Variants in DNAH14 observed in about 807,000 individuals in gnomAD.
The protein encoded by DNAH14 is dynein axonemal heavy chain 14.
DNAH14 carries 478 observed loss-of-function variants against 520.9 expected under a neutral mutation model. That is an observed-to-expected ratio of 0.92 (90% CI 0.85 to 0.99). The LOEUF (loss-of-function observed/expected upper bound fraction) is 0.99. Ranked by LOEUF, DNAH14 falls within the 50% of genes least tolerant of loss-of-function variation. The pLI is 0.00. For synonymous variants in DNAH14, 1,581 were observed against 1,757.2 expected (o/e 0.90, Z 2.51); for missense variants, 4,831 against 5,234.5 (o/e 0.92, Z 2.38).
intron 20 of DNAH14, among the ~76,000 whole-genome samples, chr1:225,084,969 G>C (rs543873314): frequency 6.6e-6 from 1 of 151,934 alleles, no homozygotes; most frequent in Non-Finnish European, 1.5e-5. Flanking sequence ...CAAAGCTGTT[G>C]CTTAAGGCCA....
intron 31 of DNAH14, among the ~76,000 whole-genome samples, chr1:225,148,511 C>G (rs1212008619): frequency 6.7e-6 from 1 of 148,824 alleles, no homozygotes; most frequent in Non-Finnish European, 1.5e-5. Context: ...AAGCAATTCT[C>G]CTGCCTCAGC....
intron 36 of DNAH14, among the ~76,000 whole-genome samples, chr1:225,168,604 G>A (rs1262744543): frequency 6.6e-6 from 1 of 152,214 alleles, no homozygotes; most frequent in Non-Finnish European, 1.5e-5. Flanking sequence ...GGCTGGAGGA[G>A]GGGCGCCTGC....
intron 43 of DNAH14, among the ~76,000 whole-genome samples, chr1:225,243,224 G>T (rs1011881725): frequency 5.3e-5 from 8 of 152,046 alleles, no homozygotes; most frequent in African/African-American, 1.9e-4. Flanking sequence ...CATTATATTT[G>T]AATGCTTATC....
intron 10 of DNAH14, among the ~76,000 whole-genome samples, chr1:225,007,927 C>T (rs199864109): frequency 1.4e-5 from 2 of 144,320 alleles, no homozygotes; most frequent in Non-Finnish European, 3.0e-5. Context: ...TTTCTTTTTT[C>T]TTTTTTTTTT....
chr1:225,207,005 C>T lies in DNAH14; in HGVS notation c.6224C>T (p.Ser2075Leu). 6.5e-7 allele frequency: 1 copy of T among 1,540,786 alleles called. No individual in the cohort carries two copies. The highest frequency in any genetic ancestry group is 8.8e-7 in the Non-Finnish European group (1 of 1,142,340). The change falls in exon 41 of 86, where the codon TCA becomes TTA. Residue 2075 changes from serine (S) to leucine (L), a missense_variant. Physicochemically the swap from Ser to Leu is moderately radical, Grantham distance 145. Transcript: ENST00000682510. ...VDLGWEPYVKSWLLKTSKIIS... is the reference protein window; with the variant it reads ...VDLGWEPYVKLWLLKTSKIIS... ...CTGGGATGGGAACCTTATGTTAAGT[C>T]ATGGCTTCTGAAAACTTCTAAAATT...
chr1:225,338,144 GGTTGGTGATGCTGA>G lies in DNAH14; in HGVS notation c.10399_10412del (p.Gly3467ArgfsTer7). On this transcript the variant is annotated frameshift_variant, in exon 68 of 86. Coordinates refer to ENST00000682510, the MANE Select transcript of DNAH14 (RefSeq NM_001367479.1). LOFTEE classifies it high-confidence loss of function. ...AGAAAAAAGGACACTATTTCATAAG[GGTTGGTGATGCTGA>G]GTTCGAATACAATTCAAATTTTAGG... 1 of 1,551,706 alleles carries G rather than the reference GGTTGGTGATGCTGA, an allele frequency of 6.4e-7. No homozygotes were observed. The highest frequency in any genetic ancestry group is 8.7e-7 in the Non-Finnish European group (1 of 1,146,926).
chr1:225,100,782 A>G lies in DNAH14; in HGVS notation c.3765A>G (p.Ile1255Met). 3.2e-6 allele frequency: 5 copies of G among 1,540,350 alleles called. No individual in the cohort carries two copies. Among genetic ancestry groups the G allele is most frequent in the Non-Finnish European group, 4.4e-6 (5 of 1,143,876 alleles). The change falls in exon 23 of 86, where the codon ATA becomes ATG. Residue 1255 changes from isoleucine to methionine, a missense_variant. By Grantham distance (10) the Ile-to-Met change is conservative. Coordinates refer to ENST00000682510, the MANE Select transcript of DNAH14 (RefSeq NM_001367479.1). ...TGTGGAAAAAAATAATGTCAAAAAT[A>G]CAAAACAAACAGAATGCTTTGCAGA... ...ISMWKKIMSKIQNKQNALQIT... is the reference protein window; with the variant it reads ...ISMWKKIMSKMQNKQNALQIT...
At chr1:225,087,238 A>G (rs548983863) in intron 21 of DNAH14, among the ~76,000 whole-genome samples, 7 of 152,218 alleles carry the variant, frequency 4.6e-5, no homozygotes, top group Non-Finnish European at 1.0e-4. Context: ...TTATTATCCT[A>G]TGGTGGAGGC....
chr1:225,291,403 G>C (rs545227152), intron 55 of DNAH14, among the ~76,000 whole-genome samples: 1 of 151,990 alleles, frequency 6.6e-6, no homozygotes, highest in Admixed American at 6.6e-5. Flanking sequence ...TGGATCTTAT[G>C]ATCATTTTAT....
chr1:225,194,751 A>T (rs529604845), intron 38 of DNAH14, among the ~76,000 whole-genome samples: 7 of 152,176 alleles, frequency 4.6e-5, no homozygotes, highest in African/African-American at 1.7e-4. Flanking sequence ...TGGAGAAAAT[A>T]TTTGCAAACT....
intron 2 of DNAH14, chr1:224,954,714 G>A (rs2125515205): frequency 3.5e-6 from 1 of 281,774 alleles, no homozygotes; most frequent in African/African-American, 2.2e-5. Context: ...GACTCTCCAT[G>A]TAAATGTTGC....
At chr1:225,202,302 A>T (rs1432238899) in intron 38 of DNAH14, among the ~76,000 whole-genome samples, 1 of 152,100 alleles carries the variant, frequency 6.6e-6, no homozygotes, top group Admixed American at 6.5e-5. Context: ...GTAGGGAAGG[A>T]CCATTAGGTG....
intron 74 of DNAH14, among the ~76,000 whole-genome samples, chr1:225,359,200 C>G (rs2095466090): frequency 6.6e-6 from 1 of 152,150 alleles, no homozygotes; most frequent in Admixed American, 6.6e-5. Context: ...GAATAAATCT[C>G]TCTAAAGATA....
chr1:225,218,891 T>C (rs541543314), intron 41 of DNAH14, among the ~76,000 whole-genome samples: 1 of 152,278 alleles, frequency 6.6e-6, no homozygotes, highest in South Asian at 2.1e-4. Flanking sequence ...TTTTCTAAAA[T>C]TGACCACATA....
rs1264042636 is a variant in DNAH14 at position 225,140,904 on chromosome 1, A to G, written c.4391A>G (p.Asn1464Ser). ...VADLVVLDTSNSRTKAILGAL... is the reference protein window; with the variant it reads ...VADLVVLDTSSSRTKAILGAL... ...GACCTGGTAGTGCTGGATACTAGTA[A>G]CTCTCGAACAAAAGCTATACTAGGG... is the stretch of plus-strand genomic sequence containing the variant. Residue 1464 changes from asparagine to serine, a missense_variant, in exon 28 of 86, where the codon AAC becomes AGC. Asn to Ser is a conservative substitution (Grantham distance 46). Coordinates refer to ENST00000682510, the MANE Select transcript of DNAH14 (RefSeq NM_001367479.1). The G allele has an allele frequency of 6.4e-7, 1 of 1,551,170 alleles. No individual in the cohort carries two copies. The highest frequency in any genetic ancestry group is 8.7e-7 in the Non-Finnish European group (1 of 1,146,912).
At chr1:224,980,991 A>T (rs186782706) in intron 8 of DNAH14, among the ~76,000 whole-genome samples, 1 of 152,374 alleles carries the variant, frequency 6.6e-6, no homozygotes, top group African/African-American at 2.4e-5. Flanking sequence ...AAGTATAATT[A>T]AAAAATAAAA....
At chr1:224,941,148 G>A (rs564927432) in intron 1 of DNAH14, among the ~76,000 whole-genome samples, 20 of 152,282 alleles carry the variant, frequency 1.3e-4, no homozygotes, top group African/African-American at 4.6e-4. Context: ...GTGTAAAAAT[G>A]TTTCTATTTC....
At chr1:225,358,409 C>T (rs1162553180) in intron 73 of DNAH14, 87 bp from the exon 74 acceptor site, 1 of 1,177,716 alleles carries the variant, frequency 8.5e-7, no homozygotes, top group Non-Finnish European at 1.2e-6. Context: ...AAAATGAATA[C>T]TTCTTATTTT....
At chr1:225,241,858 G>GACATTACTGT (rs1300371158) in intron 43 of DNAH14, among the ~76,000 whole-genome samples, 2 of 152,168 alleles carry the variant, frequency 1.3e-5, no homozygotes, top group African/African-American at 4.8e-5. Flanking sequence ...GAAGGCCTCA[G>GACATTACTGT]ACATTACTGT....
Sources: gnomAD v4.1 joint callset for allele counts (sites outside exome capture counted in the v4.1 genomes callset) on GRCh38, gnomAD v4.1.1 for gene constraint, MANE v1.5 for transcripts, NCBI Gene and HGNC (gene_info 2026-07-23, HGNC 2026-07-21) for gene names.